Variants in GRM8 observed in about 807,000 individuals in gnomAD.
GRM8 encodes glutamate metabotropic receptor 8.
GRM8 carries 47 observed loss-of-function variants against 87.2 expected under a neutral mutation model. The observed-to-expected ratio is 0.54, with a 90% CI of 0.43 to 0.69. The LOEUF is 0.69. Ranked by LOEUF, GRM8 falls within the 30% of genes least tolerant of loss-of-function variation. The pLI is 0.00. For missense variants in GRM8, 1,019 were observed against 1,139.2 expected (o/e 0.89, Z 1.52); for synonymous variants, 396 against 404.5 (o/e 0.98, Z 0.25).
chr7:126,674,571 A>G (rs1172287699), intron 7 of GRM8, among the ~76,000 whole-genome samples: 1 of 152,234 alleles, frequency 6.6e-6, no homozygotes, highest in Non-Finnish European at 1.5e-5. Flanking sequence ...AGGTCTTGGC[A>G]TTCAAGAACT....
At chr7:127,194,711 T>A (rs1189241980) in intron 2 of GRM8, among the ~76,000 whole-genome samples, 2 of 152,170 alleles carry the variant, frequency 1.3e-5, no homozygotes, top group African/African-American at 4.8e-5. Flanking sequence ...ATGGGGGACA[T>A]GGAAAATGTG....
intron 9 of GRM8, among the ~76,000 whole-genome samples, chr7:126,485,048 C>T (rs2150611775): frequency 6.6e-6 from 1 of 152,098 alleles, no homozygotes; most frequent in South Asian, 2.1e-4. Context: ...CAGACTAACT[C>T]TCCTAACTAG....
chr7:126,878,730 T>A (rs1799755970), intron 6 of GRM8, among the ~76,000 whole-genome samples: 2 of 152,022 alleles, frequency 1.3e-5, no homozygotes, highest in African/African-American at 4.8e-5. Flanking sequence ...TTTCACCATG[T>A]TGGTCAGGCT....
chr7:126,872,046 C>A (rs979265864), intron 6 of GRM8, among the ~76,000 whole-genome samples: 5 of 152,172 alleles, frequency 3.3e-5, no homozygotes, highest in Admixed American at 3.3e-4. Flanking sequence ...GGGACCCTCA[C>A]AGAGTAAACT....
chr7:126,978,368 C>A (rs17869241), intron 3 of GRM8, among the ~76,000 whole-genome samples: 70 of 152,268 alleles, frequency 4.6e-4, no homozygotes, highest in African/African-American at 1.6e-3. Context: ...CTGAGATGTA[C>A]AAACAATCAA....
intron 3 of GRM8, among the ~76,000 whole-genome samples, chr7:126,973,285 C>T (rs1810618635): frequency 1.3e-5 from 2 of 152,196 alleles, no homozygotes; most frequent in African/African-American, 4.8e-5. Flanking sequence ...ACTTTACAAA[C>T]CATTGCTTTG....
At chr7:126,534,035 T>C (rs1015527324) in intron 8 of GRM8, 148 bp from the exon 9 acceptor site, 127 of 630,966 alleles carry the variant, frequency 2.0e-4, no homozygotes, top group African/African-American at 2.0e-3. Context: ...TCCCCTGATA[T>C]TGACTTTATG....
chr7:126,688,435 G>C lies in GRM8; in HGVS notation c.1358-78937C>G, dbSNP rs186656718. Among the ~76,000 whole-genome samples, 16 of 152,268 alleles carry C rather than the reference G, an allele frequency of 1.1e-4. No homozygotes were observed. The East Asian group carries it at 2.9e-3, about 28-fold the overall frequency. On this transcript the variant is annotated intron_variant, in intron 7 of 10. Coordinates refer to ENST00000339582, the MANE Select transcript of GRM8 (RefSeq NM_000845.3). ...TTTCAAGGGAGGTCGGTGATGAATAGAGCCCTAAGTATAATTAAGGAAAGG... is the reference window on the plus strand; with the variant it reads ...TTTCAAGGGAGGTCGGTGATGAATACAGCCCTAAGTATAATTAAGGAAAGG...
At chr7:126,478,812 T>C (rs1469095974) in intron 9 of GRM8, among the ~76,000 whole-genome samples, 1 of 152,088 alleles carries the variant, frequency 6.6e-6, no homozygotes, top group African/African-American at 2.4e-5. Context: ...TTGCCCTCTC[T>C]ACTATTGGGG....
intron 2 of GRM8, among the ~76,000 whole-genome samples, chr7:127,240,018 T>C (rs1043053144): frequency 6.6e-6 from 1 of 152,132 alleles, no homozygotes; most frequent in Non-Finnish European, 1.5e-5. Context: ...CTCCTGGCGA[T>C]AAGTGACCCA....
chr7:127,225,127 G>A (rs1309416642), intron 2 of GRM8, among the ~76,000 whole-genome samples: 2 of 152,194 alleles, frequency 1.3e-5, no homozygotes, highest in African/African-American at 2.4e-5. Flanking sequence ...GAGGAATGGA[G>A]GCATCTGCCC....
intron 3 of GRM8, among the ~76,000 whole-genome samples, chr7:126,970,529 A>G (rs899788696): frequency 2.1e-4 from 31 of 145,244 alleles, no homozygotes. Flanking sequence ...GCTCTGGATT[A>G]GGTTTTGGCT....
chr7:127,125,427 C>G (rs1473880168), intron 2 of GRM8, among the ~76,000 whole-genome samples: 1 of 151,958 alleles, frequency 6.6e-6, no homozygotes, highest in East Asian at 1.9e-4. Context: ...ATTCTCATAC[C>G]ATGCATAAAA....
At chr7:127,114,323 T>C (rs189434980) in intron 2 of GRM8, among the ~76,000 whole-genome samples, 239 of 152,240 alleles carry the variant, frequency 1.6e-3, no homozygotes, top group Non-Finnish European at 2.7e-3. Flanking sequence ...GGGGAAATCA[T>C]GGGGTCAAGG....
chr7:126,594,991 C>A (rs1248927097), intron 8 of GRM8, among the ~76,000 whole-genome samples: 1 of 151,960 alleles, frequency 6.6e-6, no homozygotes, highest in Non-Finnish European at 1.5e-5. Context: ...GGTGGTTAAA[C>A]AAACCTTGGT....
Position 126,768,357 on chromosome 7 carries a change from T to TAAAAAAAA in GRM8, c.1357+1500_1357+1507dup, listed in dbSNP as rs57868820. 6.7e-3 allele frequency among the ~76,000 whole-genome samples: 358 copies of TAAAAAAAA among 53,508 alleles called. 27 individuals are homozygous for TAAAAAAAA. Among genetic ancestry groups the TAAAAAAAA allele is most frequent in the African/African-American group, 0.014 (174 of 12,020 alleles). 35.1% of individuals were successfully genotyped at this position (53,508 alleles called of 152,430 possible). On this transcript the variant is annotated intron_variant, in intron 7 of 10. Transcript: ENST00000339582. ...CAGCAGCAGCAACACTTTGATAATG[T>TAAAAAAAA]AAAAAAAAAAAAAAAAAAAAAAAAG...
Position 126,668,567 on chromosome 7 carries a change from C to T in GRM8, c.1358-59069G>A, listed in dbSNP as rs1174797634. Among the ~76,000 whole-genome samples, 3 of 152,306 alleles carry T rather than the reference C, an allele frequency of 2.0e-5. No homozygotes were observed. The East Asian group carries it at 5.8e-4, about 30-fold the overall frequency. On this transcript the variant is annotated intron_variant, in intron 7 of 10. Coordinates refer to ENST00000339582, the MANE Select transcript of GRM8 (RefSeq NM_000845.3). Reference sequence around the variant, plus strand: ...CACTGGGACGCATGGCCCAAGGGTCCTGCACAGCCACTGGCTGGTTCGCAG... The same window carrying T: ...CACTGGGACGCATGGCCCAAGGGTCTTGCACAGCCACTGGCTGGTTCGCAG...
chr7:126,631,372 G>T (rs1033674925), intron 7 of GRM8, among the ~76,000 whole-genome samples: 2 of 152,060 alleles, frequency 1.3e-5, no homozygotes, highest in African/African-American at 4.8e-5. Context: ...ACTGCCCAAA[G>T]AAATCAGAGA....
chr7:127,101,275 C>T (rs1825215658), intron 3 of GRM8, among the ~76,000 whole-genome samples: 1 of 152,130 alleles, frequency 6.6e-6, no homozygotes, highest in Admixed American at 6.6e-5. Context: ...GAACTGGTCT[C>T]CTTGTCTTCT....
Sources: gnomAD v4.1 joint callset for allele counts (sites outside exome capture counted in the v4.1 genomes callset) on GRCh38, gnomAD v4.1.1 for gene constraint, MANE v1.5 for transcripts, NCBI Gene and HGNC (gene_info 2026-07-23, HGNC 2026-07-21) for gene names.